Variants in WDR33 observed in about 807,000 individuals in gnomAD.
The protein encoded by WDR33 is pre-mRNA 3' end processing protein WDR33.
A neutral mutation model predicts 164.9 loss-of-function variants in WDR33; 47 were observed. The ratio of observed to expected loss-of-function variants is 0.29; its 90% CI spans 0.23 to 0.36. WDR33 has a LOEUF of 0.36. WDR33 is among the 10% of genes least tolerant of loss of function. The pLI is 1.00. For synonymous variants in WDR33, 505 were observed against 589.0 expected, an observed-to-expected ratio of 0.86 and a Z score of 2.06; for missense variants, 1,137 against 1,754.1, an observed-to-expected ratio of 0.65 and a Z score of 6.28.
chr2:127,808,759 G>T (rs1689524664), intron 1 of WDR33, among the ~76,000 whole-genome samples: 2 of 152,026 alleles, frequency 1.3e-5, no homozygotes, highest in African/African-American at 2.4e-5. Flanking sequence ...GGCCAGGTGC[G>T]GTGGCTCACG....
chr2:127,710,889 C>T lies in WDR33; in HGVS notation c.3309-1033G>A, dbSNP rs1319136139. ...AGTACAATGAACATCCCAGATCCTC[C>T]ACCCAGATCAATCCCTTCTTAATAT... is the stretch of plus-strand genomic sequence containing the variant. On this transcript the variant is annotated intron_variant, in intron 18 of 21. Transcript: ENST00000322313. The surrounding 1 kb of genome is among the most constrained non-coding windows in gnomAD (Gnocchi z 4.4). Among the ~76,000 whole-genome samples, 2 of 152,202 alleles carry T rather than the reference C, an allele frequency of 1.3e-5. No homozygotes were observed. The highest frequency in any genetic ancestry group is 6.5e-5 in the Admixed American group (1 of 15,276).
chr2:127,752,019 G>T (rs1460633642), intron 7 of WDR33, among the ~76,000 whole-genome samples: 1 of 152,144 alleles, frequency 6.6e-6, no homozygotes, highest in Non-Finnish European at 1.5e-5. Flanking sequence ...GGGTAACAAG[G>T]AGAGTCCAAA....
Position 127,701,748 on chromosome 2 carries a change from G to A in WDR33, c.*4575C>T. ...GACGTGCCTCCCGAGCGTGACGCGC[G>A]GGCAGCGGCTGGCGGCGGGCGGCGG... On this transcript the variant is annotated 3_prime_UTR_variant, in exon 22 of 22. Coordinates refer to ENST00000322313, the MANE Select transcript of WDR33 (RefSeq NM_018383.5). The A allele has an allele frequency of 7.1e-7, 1 of 1,415,308 alleles. No homozygotes were observed. The allele number at this position is 1,415,308 out of a possible 1,614,324, so 87.7% of individuals were successfully genotyped here.
chr2:127,728,326 A>G (rs1686619946), intron 7 of WDR33, among the ~76,000 whole-genome samples: 1 of 152,212 alleles, frequency 6.6e-6, no homozygotes, highest in Admixed American at 6.5e-5. Context: ...AAAATACACC[A>G]GTGTATACCA....
chr2:127,709,872 A>C lies in WDR33; in HGVS notation c.3309-16T>G. 1.2e-6 allele frequency: 2 copies of C among 1,612,666 alleles called. No individual in the cohort carries two copies. The highest frequency in any genetic ancestry group is 1.7e-6 in the Non-Finnish European group (2 of 1,179,474). ...TCTTCTGAAACTGTAAAGAGAAAAC[A>C]GCAGAATGTCCATCTCAGAGAACAC... is the stretch of plus-strand genomic sequence containing the variant. On this transcript the variant is annotated splice_polypyrimidine_tract_variant and intron_variant, in intron 18 of 21. Coordinates refer to ENST00000322313, the MANE Select transcript of WDR33 (RefSeq NM_018383.5). The surrounding 1 kb of genome is among the most constrained non-coding windows in gnomAD (Gnocchi z 5.0).
intron 1 of WDR33, among the ~76,000 whole-genome samples, chr2:127,783,021 TAATAA>T (rs1688429026): frequency 6.6e-6 from 1 of 151,928 alleles, no homozygotes; most frequent in East Asian, 1.9e-4. Flanking sequence ...AAACTAATAA[TAATAA>T]AATAAAGTAT....
rs1255018911 is a variant in WDR33 at position 127,738,388 on chromosome 2, G to A, written c.725-11611C>T. Among the ~76,000 whole-genome samples the A allele has an allele frequency of 6.6e-6, 1 of 152,070 alleles. No homozygotes were observed. Among genetic ancestry groups the A allele is most frequent in the Non-Finnish European group, 1.5e-5 (1 of 68,002 alleles). On this transcript the variant is annotated intron_variant, in intron 7 of 21. Coordinates refer to ENST00000322313, the MANE Select transcript of WDR33 (RefSeq NM_018383.5). The surrounding 1 kb of genome is among the most constrained non-coding windows in gnomAD (Gnocchi z 4.4). ...AGTGGAGAAGAGTGAAGTCTCCCAT[G>A]CCTAAGAATTCCACATAATTTACAC...
rs745489434 is a variant in WDR33 at position 127,709,901 on chromosome 2, G to C, written c.3309-45C>G. The C allele has an allele frequency of 3.8e-6, 6 of 1,595,350 alleles. No homozygotes were observed. In the African/African-American group the frequency reaches 8.1e-5, roughly 22 times the overall value. On this transcript the variant is annotated intron_variant, in intron 18 of 21. Coordinates refer to ENST00000322313, the MANE Select transcript of WDR33 (RefSeq NM_018383.5). The surrounding 1 kb of genome is among the most constrained non-coding windows in gnomAD (Gnocchi z 5.0). Reference sequence around the variant, plus strand: ...GAATGTCCATCTCAGAGAACACCTTGCCACTCTAAGTTCATGTTTCAAAGA... The same window carrying C: ...GAATGTCCATCTCAGAGAACACCTTCCCACTCTAAGTTCATGTTTCAAAGA...
intron 4 of WDR33, among the ~76,000 whole-genome samples, chr2:127,765,652 A>G (rs968827687): frequency 6.6e-6 from 1 of 152,204 alleles, no homozygotes; most frequent in Non-Finnish European, 1.5e-5. Flanking sequence ...CAAAGACTGA[A>G]TAAAGGATAT....
rs1267356343 is a variant in WDR33, at chr2:127,726,632, TG to T, written c.851+18del. The stretch of plus-strand genomic sequence containing the variant: ...GCTCCCCTTTGTTCAGGGGCCAAGG[TG>T]GGGTTCCTGTCACTTACAGTGTTGC... On this transcript the variant is annotated intron_variant, in intron 8 of 21. Coordinates refer to ENST00000322313, the MANE Select transcript of WDR33 (RefSeq NM_018383.5). The surrounding 1 kb of genome is among the most constrained non-coding windows in gnomAD (Gnocchi z 4.8). 1 of 1,613,312 alleles carries T rather than the reference TG, an allele frequency of 6.2e-7. No homozygotes were observed. Among genetic ancestry groups the T allele is most frequent in the Non-Finnish European group, 8.5e-7 (1 of 1,179,660 alleles).
chr2:127,740,713 C>G (rs928250571), intron 7 of WDR33, among the ~76,000 whole-genome samples: 1 of 152,104 alleles, frequency 6.6e-6, no homozygotes, highest in Non-Finnish European at 1.5e-5. Flanking sequence ...GGGAGAATAT[C>G]AGGAAAGAGG....
chr2:127,727,999 C>T (rs1433246294), intron 7 of WDR33, among the ~76,000 whole-genome samples: 2 of 152,188 alleles, frequency 1.3e-5, no homozygotes, highest in Non-Finnish European at 2.9e-5. Context: ...CACAATACCC[C>T]GTACTGGCAA....
intron 1 of WDR33, among the ~76,000 whole-genome samples, chr2:127,779,169 TAAAA>T (rs70985476): frequency 6.8e-6 from 1 of 146,298 alleles, no homozygotes; most frequent in Non-Finnish European, 1.5e-5. Flanking sequence ...TTTTAATAAT[TAAAA>T]AAAAAAAAAA....
chr2:127,742,522 C>CAA (rs66766896), intron 7 of WDR33, among the ~76,000 whole-genome samples: 1,050 of 79,198 alleles, frequency 0.013, 7 homozygotes, highest in Non-Finnish European at 0.018. Flanking sequence ...GACCCTGTCT[C>CAA]AAAAAAAAAA....
chr2:127,785,925 A>C (rs1688548775), intron 1 of WDR33, among the ~76,000 whole-genome samples: 1 of 152,264 alleles, frequency 6.6e-6, no homozygotes, highest in South Asian at 2.1e-4. Flanking sequence ...ACCATTCTGC[A>C]TTCCAACTGG....
chr2:127,722,728 T>C lies in WDR33; in HGVS notation c.1381A>G (p.Lys461Glu), dbSNP rs1329542525. ...KLAMEQEQMG[K>E]DESNEIEMTI... ...ATTTCAATTTCATTTGATTCATCTT[T>C]CCCTGTAACCGTAAAGAAAAGTGGT... The change falls in exon 14 of 22, where the codon AAA (lysine) becomes GAA (glutamate). Residue 461 changes from lysine to glutamate, a missense_variant and splice_region_variant. Physicochemically the swap from Lys to Glu is moderately conservative, Grantham distance 56. Coordinates refer to ENST00000322313, the MANE Select transcript of WDR33 (RefSeq NM_018383.5). The surrounding 1 kb of genome is among the most constrained non-coding windows in gnomAD (Gnocchi z 5.1). The C allele has an allele frequency of 6.2e-7, 1 of 1,613,722 alleles. No individual in the cohort carries two copies. Among genetic ancestry groups the C allele is most frequent in the Admixed American group, 1.7e-5 (1 of 59,946 alleles).
At position 127,708,808 on chromosome 2, in the gene WDR33, G is replaced by A; in HGVS notation, c.3650C>T (p.Ser1217Phe). The A allele has an allele frequency of 6.2e-7, 1 of 1,613,528 alleles. No individual in the cohort carries two copies. Among genetic ancestry groups the A allele is most frequent in the Middle Eastern group, 1.7e-4 (1 of 6,060 alleles). ...DGHSPASRER[S>F]SSLQGMDMAS... ...CATGTCCATGCCTTGGAGAGAAGAG[G>A]AGCGTTCTCTGCTGGCTGGGGAATG... The change falls in exon 21 of 22, where the codon TCC (serine) becomes TTC (phenylalanine). Residue 1217 changes from serine to phenylalanine, a missense_variant. Physicochemically the swap from Ser to Phe is radical, Grantham distance 155. Around this residue, in one of 9 missense-constraint regions of WDR33, gnomAD observed 867 missense variants for 1,073.0 expected, o/e 0.81. Transcript: ENST00000322313. The surrounding 1 kb of genome is among the most constrained non-coding windows in gnomAD (Gnocchi z 6.7).
intron 7 of WDR33, chr2:127,762,572 A>C (rs1687708309): frequency 1.0e-6 from 1 of 985,606 alleles, no homozygotes; most frequent in Non-Finnish European, 1.2e-6. Context: ...ACCCGAACTT[A>C]GTAACAAGCC....
At position 127,726,808 on chromosome 2, in the gene WDR33, A is replaced by C; in HGVS notation, c.725-31T>G. The C allele has an allele frequency of 6.2e-7, 1 of 1,612,282 alleles. No homozygotes were observed. The highest frequency in any genetic ancestry group is 8.5e-7 in the Non-Finnish European group (1 of 1,179,202). On this transcript the variant is annotated intron_variant, in intron 7 of 21. Transcript: ENST00000322313. The surrounding 1 kb of genome is among the most constrained non-coding windows in gnomAD (Gnocchi z 4.8). ...GGAAACAAGTTAGGATTAAAACCTA[A>C]TTAGTTACATGCATTTAAAGCAATT...
Sources: gnomAD v4.1 joint callset for allele counts (sites outside exome capture counted in the v4.1 genomes callset) on GRCh38, gnomAD v4.1.1 for gene constraint, gnomAD v4.1.1 regional missense constraint, Gnocchi (gnomAD v3.1) non-coding constraint, MANE v1.5 for transcripts, NCBI Gene and HGNC (gene_info 2026-07-23, HGNC 2026-07-21) for gene names.